The following MGAT5 variants were observed in gnomAD, a reference collection of about 807,000 sequenced individuals.
MGAT5 encodes alpha-1,6-mannosylglycoprotein 6-beta-N-acetylglucosaminyltransferase A.
A neutral mutation model predicts 94.3 loss-of-function variants in MGAT5; 30 were observed. That is an observed-to-expected ratio of 0.32 (90% CI 0.24 to 0.43). The LOEUF (loss-of-function observed/expected upper bound fraction) is 0.43. Among genes scored for constraint, MGAT5 ranks in the 20% least tolerant of loss-of-function variants. The pLI is 1.00. For synonymous variants in MGAT5, 310 were observed against 322.9 expected, an observed-to-expected ratio of 0.96 and a Z score of 0.43; for missense variants, 691 against 905.5, an observed-to-expected ratio of 0.76 and a Z score of 3.04.
In MGAT5 at chr2:134,254,096, T is replaced by C. The variant is rs370867220; in HGVS notation, c.-308T>C. On this transcript the variant is annotated 5_prime_UTR_variant, in exon 1 of 16. Transcript: ENST00000281923. Reference sequence around the variant, plus strand: ...CATAATTGCTTAGCTTCTTGTTGCCTAGCCAGATTTCCCCTCAGCTTACAG... The same window carrying C: ...CATAATTGCTTAGCTTCTTGTTGCCCAGCCAGATTTCCCCTCAGCTTACAG... Among the ~76,000 whole-genome samples, 238 of 152,364 alleles carry C rather than the reference T, an allele frequency of 1.6e-3. 1 individual carries two copies. The highest frequency in any genetic ancestry group is 5.6e-3 in the African/African-American group (233 of 41,584).
Position 134,189,602 on chromosome 2 carries a change from G to GTTGTTGTTTTTTTT in MGAT5, c.-142-64658_-142-64657insGTTGTTTTTTTTTT, listed in dbSNP as rs1689232395. 4.6e-4 allele frequency among the ~76,000 whole-genome samples: 39 copies of GTTGTTGTTTTTTTT among 84,648 alleles called. 1 individual carries two copies. The highest frequency in any genetic ancestry group is 1.7e-3 in the African/African-American group (35 of 20,992). 55.5% of individuals were successfully genotyped at this position (84,648 alleles called of 152,430 possible). A position where few individuals can be genotyped will look rare whatever the true frequency, so the allele number is the denominator to read the frequency against. ...AACCTCATGGCTCTAGTTTTTTTTT[G>GTTGTTGTTTTTTTT]TTTTTTTTTTTTTTTTTTAAGACAG... On this transcript the variant is annotated intron_variant, in intron 1 of 16. Transcript: ENST00000409645.
At chr2:134,425,178 G>A (rs540797407) in intron 13 of MGAT5, among the ~76,000 whole-genome samples, 1 of 152,236 alleles carries the variant, frequency 6.6e-6, no homozygotes, top group African/African-American at 2.4e-5. Context: ...AACCTTGAAA[G>A]CAGCCAGAGA....
At chr2:134,434,962 G>A (rs1432572275) in intron 14 of MGAT5, among the ~76,000 whole-genome samples, 1 of 152,160 alleles carries the variant, frequency 6.6e-6, no homozygotes, top group African/African-American at 2.4e-5. Context: ...GAATGAATGA[G>A]GAAACCTTCA....
At chr2:134,345,383 A>G (rs1373080957) in intron 8 of MGAT5, among the ~76,000 whole-genome samples, 1 of 152,146 alleles carries the variant, frequency 6.6e-6, no homozygotes, top group Admixed American at 6.6e-5. Flanking sequence ...GTACAGTGTC[A>G]TTTCTTGTGT....
intron 1 of MGAT5, among the ~76,000 whole-genome samples, chr2:134,228,604 T>C (rs1681187681): frequency 6.6e-6 from 1 of 152,208 alleles, no homozygotes; most frequent in East Asian, 1.9e-4. Flanking sequence ...GCTTTTCCAG[T>C]AGAGGGCGCT....
intron 13 of MGAT5, among the ~76,000 whole-genome samples, chr2:134,425,912 A>T (rs1684563152): frequency 6.9e-6 from 1 of 144,800 alleles, no homozygotes; most frequent in South Asian, 2.2e-4. Flanking sequence ...TTTTTTTTAA[A>T]CAAAGCAGGA....
chr2:134,420,352 G>A (rs1684226108), intron 12 of MGAT5, among the ~76,000 whole-genome samples: 1 of 152,178 alleles, frequency 6.6e-6, no homozygotes, highest in African/African-American at 2.4e-5. Flanking sequence ...CAGAGAGTCT[G>A]TAGCTTTTAT....
chr2:134,214,554 A>G (rs1023992143), intron 1 of MGAT5, among the ~76,000 whole-genome samples: 10 of 151,482 alleles, frequency 6.6e-5, no homozygotes, highest in Admixed American at 1.3e-4. Context: ...CCCTTGGGCC[A>G]TGGGTTGGAC....
intron 14 of MGAT5, among the ~76,000 whole-genome samples, chr2:134,431,090 G>T (rs1312153976): frequency 6.6e-6 from 1 of 152,174 alleles, no homozygotes; most frequent in African/African-American, 2.4e-5. Context: ...AAGGCCTGGA[G>T]GGGGGAGAAA....
At chr2:134,383,930 C>T (rs537515832) in intron 10 of MGAT5, among the ~76,000 whole-genome samples, 3 of 152,196 alleles carry the variant, frequency 2.0e-5, no homozygotes, top group Admixed American at 6.5e-5. Context: ...CCGCCTGCCT[C>T]GGCCTCCCAA....
chr2:134,262,633 A>G (rs984587155), intron 1 of MGAT5, among the ~76,000 whole-genome samples: 4 of 152,190 alleles, frequency 2.6e-5, no homozygotes, highest in African/African-American at 9.7e-5. Flanking sequence ...CGATCCTCCC[A>G]CCTCAGCCTT....
chr2:134,435,685 C>T (rs949703142), intron 14 of MGAT5, among the ~76,000 whole-genome samples: 3 of 152,214 alleles, frequency 2.0e-5, no homozygotes, highest in Non-Finnish European at 2.9e-5. Context: ...CTTTTCTGAG[C>T]ATGTTATACA....
intron 10 of MGAT5, among the ~76,000 whole-genome samples, chr2:134,372,783 A>C (rs2106162808): frequency 6.6e-6 from 1 of 152,372 alleles, no homozygotes; most frequent in South Asian, 2.1e-4. Context: ...GGTGGCTGGC[A>C]GCCCTCCCAG....
chr2:134,331,092 C>A (rs1344393730), intron 4 of MGAT5, among the ~76,000 whole-genome samples: 2 of 152,130 alleles, frequency 1.3e-5, no homozygotes, highest in African/African-American at 4.8e-5. Flanking sequence ...GTCCATCCTA[C>A]AGACCTTAGA....
At chr2:134,355,962 G>C (rs1679706551) in intron 9 of MGAT5, among the ~76,000 whole-genome samples, 1 of 152,144 alleles carries the variant, frequency 6.6e-6, no homozygotes, top group Non-Finnish European at 1.5e-5. Context: ...AATCAGTTCT[G>C]CTTAACAGCC....
chr2:134,195,503 G>T (rs1378646949), intron 1 of MGAT5, among the ~76,000 whole-genome samples: 1 of 152,090 alleles, frequency 6.6e-6, no homozygotes, highest in Non-Finnish European at 1.5e-5. Context: ...TTAAATTCTG[G>T]AGTCTGAAAT....
intron 1 of MGAT5, among the ~76,000 whole-genome samples, chr2:134,202,627 C>A (rs1397130427): frequency 6.6e-6 from 1 of 152,372 alleles, no homozygotes; most frequent in Admixed American, 6.5e-5. Flanking sequence ...TACAGCCCAG[C>A]TCACTTTGTG....
At chr2:134,349,779 T>C (rs1457130390) in intron 8 of MGAT5, 26 bp from the exon 9 acceptor site, 1 of 1,612,058 alleles carries the variant, frequency 6.2e-7, no homozygotes, top group South Asian at 1.1e-5. Flanking sequence ...GTATGTAGTG[T>C]TCAACACATT....
chr2:134,242,390 A>G (rs1682021185), intron 1 of MGAT5, among the ~76,000 whole-genome samples: 1 of 152,218 alleles, frequency 6.6e-6, no homozygotes, highest in African/African-American at 2.4e-5. Context: ...CCATTTATGT[A>G]TATAATGCTC....
Sources: gnomAD v4.1 joint callset for allele counts (sites outside exome capture counted in the v4.1 genomes callset) on GRCh38, gnomAD v4.1.1 for gene constraint, MANE v1.5 for transcripts, NCBI Gene and HGNC (gene_info 2026-07-23, HGNC 2026-07-21) for gene names.